The following FIG4 variants were observed in gnomAD, a reference collection of about 807,000 sequenced individuals.
FIG4 encodes polyphosphoinositide phosphatase.
FIG4 carries 112 observed loss-of-function variants against 118.6 expected under a neutral mutation model. The ratio of observed to expected loss-of-function variants is 0.94; its 90% CI spans 0.81 to 1.11. FIG4 has a LOEUF of 1.11. Among genes scored for constraint, FIG4 ranks in the 50% least tolerant of loss-of-function variants. The pLI, the probability that FIG4 is intolerant of heterozygous loss-of-function variation, is 0.00. For synonymous variants in FIG4, 369 were observed against 381.2 expected (o/e 0.97, Z 0.37); for missense variants, 969 against 1,111.7 (o/e 0.87, Z 1.83).
chr6:109,748,641 C>T (rs1776581620), intron 10 of FIG4, among the ~76,000 whole-genome samples: 1 of 152,120 alleles, frequency 6.6e-6, no homozygotes, highest in Non-Finnish European at 1.5e-5. Flanking sequence ...CTGATAAAAA[C>T]ATACCTGAGC....
At chr6:109,801,766 A>G (rs890460686) in intron 22 of FIG4, among the ~76,000 whole-genome samples, 4 of 152,216 alleles carry the variant, frequency 2.6e-5, no homozygotes, top group Admixed American at 1.3e-4. Flanking sequence ...CACAATGGCC[A>G]TGATTAACTC....
At chr6:109,803,341 A>C (rs1778475290) in intron 22 of FIG4, among the ~76,000 whole-genome samples, 1 of 152,170 alleles carries the variant, frequency 6.6e-6, no homozygotes, top group African/African-American at 2.4e-5. Context: ...CAAAGGTAGA[A>C]TCTGTAAGTC....
At position 109,703,532 on chromosome 6, in the gene FIG4, C is replaced by T. The variant is rs1774966013; in HGVS notation, c.67-11546C>T. Among the ~76,000 whole-genome samples the T allele has an allele frequency of 2.6e-5, 4 of 152,046 alleles. 1 individual carries two copies. In the South Asian group the frequency reaches 8.3e-4, roughly 32 times the overall value. On this transcript the variant is annotated intron_variant, in intron 1 of 22. Coordinates refer to ENST00000230124, the MANE Select transcript of FIG4 (RefSeq NM_014845.6). ...TTTTTCTCCTTTATCTTCTTTGTTC[C>T]TCCTTTTGCTCTTGGGGCTTGAGCC...
chr6:109,707,342 C>G (rs1339653704), intron 1 of FIG4, among the ~76,000 whole-genome samples: 1 of 118,566 alleles, frequency 8.4e-6, no homozygotes, highest in Non-Finnish European at 1.7e-5. Flanking sequence ...TATATATATA[C>G]ATATATACAT....
At position 109,781,317 on chromosome 6, in the gene FIG4, C is replaced by T. The variant is rs570579206; in HGVS notation, c.1890-3653C>T. 3.3e-5 allele frequency among the ~76,000 whole-genome samples: 5 copies of T among 152,340 alleles called. No individual in the cohort carries two copies. In the East Asian group the frequency reaches 5.8e-4, roughly 18 times the overall value. On this transcript the variant is annotated intron_variant, in intron 16 of 22. Transcript: ENST00000230124. The stretch of plus-strand genomic sequence containing the variant: ...TACACTTTCAAAATCTCTTCTTCTA[C>T]TGGTTAAATAGCCCCAGTTTCTTCA...
At chr6:109,713,438 A>G (rs1775331147) in intron 1 of FIG4, among the ~76,000 whole-genome samples, 1 of 152,186 alleles carries the variant, frequency 6.6e-6, no homozygotes, top group African/African-American at 2.4e-5. Context: ...AGTGGTGGTC[A>G]CTGAGGGCTG....
intron 3 of FIG4, among the ~76,000 whole-genome samples, chr6:109,718,788 C>T (rs1235970795): frequency 1.3e-5 from 2 of 152,196 alleles, no homozygotes; most frequent in African/African-American, 4.8e-5. Context: ...TGTTAAATTC[C>T]ACTTTCAGTC....
chr6:109,732,682 CT>C lies in FIG4; in HGVS notation c.495del (p.Phe165LeufsTer25). 1 of 1,505,434 alleles carries C rather than the reference CT, an allele frequency of 6.6e-7. No homozygotes were observed. Among genetic ancestry groups the C allele is most frequent in the Non-Finnish European group, 9.2e-7 (1 of 1,092,314 alleles). The allele number at this position is 1,505,434 out of a possible 1,614,324, so 93.3% of individuals were successfully genotyped here. ...ATGTGGACCTATCTAGCAATTTTTACTTTAGGTAAGTGTGAGGTTAGTTTTG... is the reference window on the plus strand; with the variant it reads ...ATGTGGACCTATCTAGCAATTTTTACTTAGGTAAGTGTGAGGTTAGTTTTG... ...QNVDLSSNFY[F>X]SYSYDLSHSL... On this transcript the variant is annotated frameshift_variant, in exon 5 of 23. Coordinates refer to ENST00000230124, the MANE Select transcript of FIG4 (RefSeq NM_014845.6). LOFTEE classifies it high-confidence loss of function.
chr6:109,718,359 C>A (rs910905970), intron 3 of FIG4, among the ~76,000 whole-genome samples: 1 of 152,124 alleles, frequency 6.6e-6, no homozygotes, highest in Admixed American at 6.5e-5. Flanking sequence ...AAATGCAAAC[C>A]GTATCAGTGG....
At chr6:109,765,251 T>C (rs1274701570) in intron 14 of FIG4, 90 bp downstream of exon 14, 36 of 1,023,298 alleles carry the variant, frequency 3.5e-5, no homozygotes, top group Non-Finnish European at 5.1e-5. Context: ...GCGTTTCTAC[T>C]TTTAGCTTCT....
intron 16 of FIG4, among the ~76,000 whole-genome samples, chr6:109,777,723 G>C (rs17613127): frequency 0.035 from 5,257 of 152,308 alleles, 157 homozygotes; most frequent in Non-Finnish European, 0.051. Flanking sequence ...TCACTTGCCA[G>C]TACAGGTTAT....
At chr6:109,756,202 G>A (rs1477248849) in intron 10 of FIG4, among the ~76,000 whole-genome samples, 6 of 152,064 alleles carry the variant, frequency 3.9e-5, no homozygotes, top group African/African-American at 1.2e-4. Context: ...ATGAAGCTTA[G>A]TTTGGCTGGA....
intron 7 of FIG4, among the ~76,000 whole-genome samples, chr6:109,740,780 G>C (rs1776299461): frequency 6.6e-6 from 1 of 152,096 alleles, no homozygotes; most frequent in Admixed American, 6.6e-5. Context: ...ACACAGCTAT[G>C]AAGAACTACC....
At chr6:109,725,281 G>A (rs992783695) in intron 3 of FIG4, among the ~76,000 whole-genome samples, 1 of 152,020 alleles carries the variant, frequency 6.6e-6, no homozygotes, top group African/African-American at 2.4e-5. Flanking sequence ...AGGCCCTGGT[G>A]TGTGATGTTC....
At position 109,791,436 on chromosome 6, in the gene FIG4, G is replaced by T. The variant is rs148589135; in HGVS notation, c.2241G>T (p.Pro747=). 2 of 1,613,458 alleles carry T rather than the reference G, an allele frequency of 1.2e-6. No homozygotes were observed. The highest frequency in any genetic ancestry group is 1.7e-5 in the Admixed American group (1 of 60,008). The change falls in exon 20 of 23, where the codon CCG becomes CCT. Residue 747 remains proline, a synonymous_variant. Transcript: ENST00000230124. ...GGAAAACGGCAGCCAGCGCCCCGCC[G>T]CCCCCCAGCGAGGAGGCTGTGTCCA... ...LQRKTAASAP[P]PPSEEAVSSS...
chr6:109,780,230 G>T (rs1053472129), intron 16 of FIG4, among the ~76,000 whole-genome samples: 1 of 152,218 alleles, frequency 6.6e-6, no homozygotes, highest in Non-Finnish European at 1.5e-5. Context: ...CTTTGTTTTT[G>T]AGTCAGAGTC....
intron 4 of FIG4, among the ~76,000 whole-genome samples, chr6:109,730,679 G>T (rs3799850): frequency 0.024 from 3,726 of 152,162 alleles, 89 homozygotes; most frequent in East Asian, 0.11. Flanking sequence ...AAGTCATTGG[G>T]GGAAAAGATG....
chr6:109,779,372 G>A lies in FIG4; in HGVS notation c.1889+2312G>A, dbSNP rs147758971. 2.5e-3 allele frequency among the ~76,000 whole-genome samples: 385 copies of A among 152,228 alleles called. 3 individuals are homozygous for A. Among genetic ancestry groups the A allele is most frequent in the Non-Finnish European group, 2.8e-3 (193 of 68,014 alleles). On this transcript the variant is annotated intron_variant, in intron 16 of 22. Transcript: ENST00000230124. Reference sequence around the variant, plus strand: ...CATCACAAAGGCAGGTGGTTTGAGAGTTTATATGTGGGAATAAAAGGAAGC... The same window carrying A: ...CATCACAAAGGCAGGTGGTTTGAGAATTTATATGTGGGAATAAAAGGAAGC...
At position 109,762,206 on chromosome 6, in the gene FIG4, A is replaced by G. The variant is rs1205133356; in HGVS notation, c.1387A>G (p.Lys463Glu). The change falls in exon 12 of 23, where the codon AAG (lysine) becomes GAG (glutamate). Residue 463 changes from lysine to glutamate, a missense_variant and splice_region_variant. Coordinates refer to ENST00000230124, the MANE Select transcript of FIG4 (RefSeq NM_014845.6). ...SYCSILRPDE[K>E]WNELGGCVIP... ...CTGTAGCATTTTGCGGCCAGATGAAAAGTATGTATGGTATTTTAAAACTTA... is the reference window on the plus strand; with the variant it reads ...CTGTAGCATTTTGCGGCCAGATGAAGAGTATGTATGGTATTTTAAAACTTA... The G allele has an allele frequency of 1.3e-6, 2 of 1,548,296 alleles. No homozygotes were observed. The highest frequency in any genetic ancestry group is 2.2e-5 in the East Asian group (1 of 44,548).
Sources: allele counts gnomAD v4.1 joint callset (sites outside exome capture counted in the v4.1 genomes callset), GRCh38; gene constraint gnomAD v4.1.1; transcripts MANE v1.5; gene names NCBI Gene and HGNC (gene_info 2026-07-23, HGNC 2026-07-21).